The following INPP4B variants were observed in gnomAD, a reference collection of about 807,000 sequenced individuals.
The protein encoded by INPP4B is inositol polyphosphate 4-phosphatase type II.
In INPP4B, 55 loss-of-function variants were observed where a neutral mutation model predicts 122.5. The ratio of observed to expected loss-of-function variants is 0.45; its 90% CI spans 0.36 to 0.56. The LOEUF (loss-of-function observed/expected upper bound fraction) is 0.56, where lower values mean the gene tolerates loss of function less well. Among genes scored for constraint, INPP4B ranks in the 20% least tolerant of loss-of-function variants. The pLI, the probability that INPP4B is intolerant of heterozygous loss-of-function variation, is 0.00. For synonymous variants in INPP4B, 403 were observed against 388.7 expected (o/e 1.04, Z -0.43); for missense variants, 1,000 against 1,097.7 (o/e 0.91, Z 1.26).
intron 18 of INPP4B, among the ~76,000 whole-genome samples, chr4:142,137,764 A>G (rs1805402877): frequency 2.0e-5 from 3 of 151,506 alleles, no homozygotes; most frequent in African/African-American, 7.3e-5. Context: ...ACATTTATGC[A>G]GCCAAAAAAC....
chr4:142,440,555 TG>T (rs561029499), intron 3 of INPP4B, among the ~76,000 whole-genome samples: 74 of 152,316 alleles, frequency 4.9e-4, no homozygotes, highest in African/African-American at 1.6e-3. Flanking sequence ...TGAAATATAA[TG>T]GCTTATATGT....
At chr4:142,640,110 A>G (rs1343614572) in intron 2 of INPP4B, among the ~76,000 whole-genome samples, 1 of 152,178 alleles carries the variant, frequency 6.6e-6, no homozygotes, top group East Asian at 1.9e-4. Context: ...CTGTGACTGT[A>G]CTAGGCAAAC....
At position 142,436,273 on chromosome 4, in the gene INPP4B, T is replaced by C. The variant is rs1466371973; in HGVS notation, c.-126-4888A>G. On this transcript the variant is annotated intron_variant, in intron 3 of 25. Coordinates refer to ENST00000262992, the MANE Select transcript of INPP4B (RefSeq NM_001101669.3). ...TCTGATCTCCCTGGGCCTGAGCCCC[T>C]AGAGAAAGGCGTGGCAATAGTCTCT... 2.6e-5 allele frequency among the ~76,000 whole-genome samples: 4 copies of C among 152,138 alleles called. No homozygotes were observed. In the East Asian group the frequency reaches 7.7e-4, roughly 29 times the overall value.
intron 1 of INPP4B, among the ~76,000 whole-genome samples, chr4:142,734,880 G>A (rs1766620062): frequency 6.6e-6 from 1 of 152,120 alleles, no homozygotes; most frequent in South Asian, 2.1e-4. Context: ...CCTAACCTCA[G>A]ATGATCTGCC....
chr4:142,257,716 A>AAAT (rs1452441159), intron 11 of INPP4B, among the ~76,000 whole-genome samples: 1 of 152,062 alleles, frequency 6.6e-6, no homozygotes, highest in Non-Finnish European at 1.5e-5. Context: ...GGATACAAAC[A>AAAT]AATAGAACAT....
At chr4:142,501,546 GA>G (rs1340514084) in intron 2 of INPP4B, among the ~76,000 whole-genome samples, 1 of 148,448 alleles carries the variant, frequency 6.7e-6, no homozygotes, top group Non-Finnish European at 1.5e-5. Context: ...CAATTGAGAT[GA>G]AAACATGAGG....
At chr4:142,509,267 T>C (rs1317938826) in intron 2 of INPP4B, among the ~76,000 whole-genome samples, 3 of 152,246 alleles carry the variant, frequency 2.0e-5, no homozygotes, top group Non-Finnish European at 2.9e-5. Context: ...CTGGGATAAA[T>C]GTGCCAAACG....
intron 1 of INPP4B, among the ~76,000 whole-genome samples, chr4:142,836,383 G>T (rs2151197402): frequency 6.6e-6 from 1 of 152,120 alleles, no homozygotes; most frequent in East Asian, 1.9e-4. Flanking sequence ...TTAAATCAAT[G>T]TACCAGAACC....
chr4:142,366,204 A>G (rs1458851481), intron 7 of INPP4B, among the ~76,000 whole-genome samples: 1 of 151,952 alleles, frequency 6.6e-6, no homozygotes, highest in Non-Finnish European at 1.5e-5. Flanking sequence ...CTGCCTGCAA[A>G]ACATTGCTTC....
intron 25 of INPP4B, among the ~76,000 whole-genome samples, chr4:142,073,743 C>T (rs958621161): frequency 1.3e-5 from 2 of 151,960 alleles, no homozygotes; most frequent in Non-Finnish European, 1.5e-5. Flanking sequence ...AAATTATTTC[C>T]TTGATTCTCT....
At chr4:142,179,579 T>G (rs1015659904) in intron 15 of INPP4B, among the ~76,000 whole-genome samples, 6 of 15,374 alleles carry the variant, frequency 3.9e-4, no homozygotes, top group African/African-American at 1.3e-3. Context: ...AAAACATTCA[T>G]TTTTGCTGAA....
chr4:142,452,274 T>A (rs765763276), intron 3 of INPP4B, among the ~76,000 whole-genome samples: 3 of 152,154 alleles, frequency 2.0e-5, no homozygotes, highest in Admixed American at 6.5e-5. Flanking sequence ...TCAAATGGTA[T>A]CAGATCTGAA....
intron 9 of INPP4B, among the ~76,000 whole-genome samples, chr4:142,291,935 C>A (rs1009264836): frequency 6.6e-6 from 1 of 152,128 alleles, no homozygotes; most frequent in Non-Finnish European, 1.5e-5. Context: ...AATTTTACAG[C>A]AAATACAAAA....
At chr4:142,169,015 T>A (rs1336966085) in intron 16 of INPP4B, among the ~76,000 whole-genome samples, 2 of 151,704 alleles carry the variant, frequency 1.3e-5, no homozygotes, top group African/African-American at 2.4e-5. Context: ...CTACATTTTG[T>A]CCACTTTCTT....
intron 8 of INPP4B, among the ~76,000 whole-genome samples, chr4:142,311,784 T>C (rs1765591425): frequency 6.6e-6 from 1 of 152,196 alleles, no homozygotes; most frequent in Non-Finnish European, 1.5e-5. Context: ...CAGGAAATTA[T>C]TGTTTTCCAG....
chr4:142,127,501 G>A (rs1276039859), intron 18 of INPP4B, among the ~76,000 whole-genome samples: 1 of 151,544 alleles, frequency 6.6e-6, no homozygotes, highest in Non-Finnish European at 1.5e-5. Flanking sequence ...CTGGTTTCCA[G>A]TTTCACTAGA....
intron 1 of INPP4B, among the ~76,000 whole-genome samples, chr4:142,806,835 G>GA (rs1174424577): frequency 6.8e-6 from 1 of 148,032 alleles, no homozygotes; most frequent in Admixed American, 6.7e-5. Flanking sequence ...AAGAAAGAAA[G>GA]AAAGAAAGAA....
chr4:142,147,727 A>T (rs1240493373), intron 17 of INPP4B, among the ~76,000 whole-genome samples: 2 of 152,202 alleles, frequency 1.3e-5, no homozygotes, highest in Non-Finnish European at 2.9e-5. Context: ...TACTCTATTA[A>T]CCACAAGCGA....
chr4:142,756,561 T>C (rs1285181118), intron 1 of INPP4B, among the ~76,000 whole-genome samples: 1 of 152,020 alleles, frequency 6.6e-6, no homozygotes, highest in African/African-American at 2.4e-5. Context: ...TCATTCTCTA[T>C]CAGCTCCAAA....
Sources: gnomAD v4.1 joint callset for allele counts (sites outside exome capture counted in the v4.1 genomes callset) on GRCh38, gnomAD v4.1.1 for gene constraint, MANE v1.5 for transcripts, NCBI Gene and HGNC (gene_info 2026-07-23, HGNC 2026-07-21) for gene names.